The following SLC41A2 variants were observed in gnomAD, a reference collection of about 807,000 sequenced individuals.
The protein encoded by SLC41A2 is solute carrier family 41 member 2, also known as SLC41A1-like 1.
Under a neutral mutation model 58.3 loss-of-function variants are expected in SLC41A2, and 32 were observed. That is an observed-to-expected ratio of 0.55 (90% CI 0.41 to 0.74). The LOEUF is 0.74. SLC41A2 is among the 30% of genes least tolerant of loss of function. SLC41A2 has a pLI of 0.00. For missense variants in SLC41A2, 514 were observed against 680.6 expected (o/e 0.76, Z 2.72); for synonymous variants, 190 against 235.0 (o/e 0.81, Z 1.75).
intron 1 of SLC41A2, among the ~76,000 whole-genome samples, chr12:104,940,934 C>CA (rs386377636): frequency 0.53 from 50,870 of 95,180 alleles, 12,456 homozygotes; most frequent in Middle Eastern, 0.64. Flanking sequence ...GACTCTGCCT[C>CA]AAAAAAAAAA....
chr12:104,868,971 G>A (rs2043618918), intron 6 of SLC41A2, among the ~76,000 whole-genome samples: 1 of 152,190 alleles, frequency 6.6e-6, no homozygotes, highest in Non-Finnish European at 1.5e-5. Context: ...GATTGTTAGA[G>A]GAGGGGTGGG....
chr12:104,815,658 C>CAAAT (rs1023317373), intron 10 of SLC41A2, among the ~76,000 whole-genome samples: 1 of 152,012 alleles, frequency 6.6e-6, no homozygotes, highest in Non-Finnish European at 1.5e-5. Flanking sequence ...CGAGAAGTAG[C>CAAAT]AAATTAATAC....
At position 104,919,185 on chromosome 12, in the gene SLC41A2, T is replaced by A. The variant is rs12231706; in HGVS notation, c.555+8788A>T. 2.3e-3 allele frequency among the ~76,000 whole-genome samples: 357 copies of A among 152,342 alleles called. 8 individuals are homozygous for A. The East Asian group carries it at 0.051, about 22-fold the overall frequency. ...GTTGTTGCATGTGTCAATAGTTTAT[T>A]TCTTTTTGTTGCTGGGTAGTAGTAT... is the stretch of plus-strand genomic sequence containing the variant. On this transcript the variant is annotated intron_variant, in intron 2 of 10. Transcript: ENST00000258538.
chr12:104,936,056 T>G (rs576745949), intron 1 of SLC41A2, among the ~76,000 whole-genome samples: 217 of 139,392 alleles, frequency 1.6e-3, no homozygotes, highest in African/African-American at 5.5e-3. Context: ...AAAAAAAAAA[T>G]TCCTGTTGCC....
chr12:104,805,220 C>T lies in SLC41A2; in HGVS notation c.1654G>A (p.Ala552Thr), dbSNP rs1274919226. 1 of 1,613,680 alleles carries T rather than the reference C, an allele frequency of 6.2e-7. No homozygotes were observed. The highest frequency in any genetic ancestry group is 8.5e-7 in the Non-Finnish European group (1 of 1,179,740). ...LTALGDLLGT[A>T]LLALSFHFLW... ...AAATGAAAACTTAAGGCTAACAGAG[C>T]TGTCCCGAGCAGATCACCCAATGCT... The change falls in exon 11 of 11, where the codon GCT (alanine) becomes ACT (threonine). Residue 552 changes from alanine (A) to threonine (T), a missense_variant. Transcript: ENST00000258538.
At chr12:104,894,733 A>T (rs779742070) in intron 4 of SLC41A2, among the ~76,000 whole-genome samples, 23 of 152,162 alleles carry the variant, frequency 1.5e-4, no homozygotes, top group Non-Finnish European at 2.9e-4. Flanking sequence ...GTGAAGGCAG[A>T]AGAAAAAGAG....
intron 2 of SLC41A2, among the ~76,000 whole-genome samples, chr12:104,916,004 C>T (rs902894122): frequency 1.3e-5 from 2 of 152,072 alleles, no homozygotes; most frequent in Non-Finnish European, 2.9e-5. Flanking sequence ...TGTCAAAGGC[C>T]TTTTCTGCAT....
At chr12:104,856,282 A>C (rs1255892045) in intron 8 of SLC41A2, among the ~76,000 whole-genome samples, 1 of 152,240 alleles carries the variant, frequency 6.6e-6, no homozygotes, top group Non-Finnish European at 1.5e-5. Context: ...ATTTTCAGAG[A>C]AGCGATGAGA....
At position 104,887,879 on chromosome 12, in the gene SLC41A2, T is replaced by A. The variant is rs1297564522; in HGVS notation, c.880+1154A>T. On this transcript the variant is annotated intron_variant, in intron 5 of 10. Coordinates refer to ENST00000258538, the MANE Select transcript of SLC41A2 (RefSeq NM_001352171.3). ...TACTTTACATATACTAAAGTGCTTA[T>A]AAAGGTCAAGTTATCATAAAATTAG... 6.6e-5 allele frequency among the ~76,000 whole-genome samples: 10 copies of A among 152,038 alleles called. No homozygotes were observed. The East Asian group carries it at 1.2e-3, about 18-fold the overall frequency.
intron 10 of SLC41A2, among the ~76,000 whole-genome samples, chr12:104,836,349 C>T (rs1207335116): frequency 6.6e-6 from 1 of 152,106 alleles, no homozygotes; most frequent in African/African-American, 2.4e-5. Context: ...TTGTATGGCT[C>T]ATGATAAATA....
chr12:104,805,487 A>G lies in SLC41A2; in HGVS notation c.1537-150T>C, dbSNP rs2040860988. The G allele has an allele frequency of 7.0e-6, 4 of 575,448 alleles. No homozygotes were observed. The South Asian group carries it at 1.7e-4, about 25-fold the overall frequency. 35.6% of individuals were successfully genotyped at this position (575,448 alleles called of 1,614,324 possible). On this transcript the variant is annotated intron_variant, in intron 10 of 10. Transcript: ENST00000258538. ...GAAAATAAGAAATACTTAGATGACAAGAATACTTTCATTTCACAAGAAAAA... is the reference window on the plus strand; with the variant it reads ...GAAAATAAGAAATACTTAGATGACAGGAATACTTTCATTTCACAAGAAAAA...
intron 7 of SLC41A2, 29 bp downstream of exon 7, chr12:104,866,381 TACACACACACACACACACACAC>T (rs57548373): frequency 7.0e-6 from 10 of 1,426,304 alleles, no homozygotes; most frequent in Non-Finnish European, 8.3e-6. Context: ...CAGACAGACG[TACACACACACACACACACACAC>T]ACACACACAC....
chr12:104,944,035 T>C (rs1044300277), intron 1 of SLC41A2, among the ~76,000 whole-genome samples: 7 of 151,978 alleles, frequency 4.6e-5, no homozygotes, highest in Non-Finnish European at 8.8e-5. Flanking sequence ...TATTAAATCT[T>C]GCAACTACAA....
intron 4 of SLC41A2, among the ~76,000 whole-genome samples, chr12:104,890,211 A>G (rs1402955045): frequency 6.6e-6 from 1 of 152,128 alleles, no homozygotes; most frequent in Non-Finnish European, 1.5e-5. Context: ...CATATAGTAA[A>G]TCAACAGAAG....
intron 6 of SLC41A2, among the ~76,000 whole-genome samples, chr12:104,875,997 T>G (rs1283445391): frequency 6.6e-6 from 1 of 152,208 alleles, no homozygotes; most frequent in African/African-American, 2.4e-5. Flanking sequence ...GGCTTTCTAT[T>G]TGTTCCTCAT....
At chr12:104,878,874 T>C (rs1593055300) in intron 6 of SLC41A2, among the ~76,000 whole-genome samples, 1 of 152,220 alleles carries the variant, frequency 6.6e-6, no homozygotes, top group African/African-American at 2.4e-5. Context: ...TCTAGATCCT[T>C]GAGGAATCGC....
intron 1 of SLC41A2, among the ~76,000 whole-genome samples, chr12:104,945,584 A>G (rs1303588295): frequency 1.3e-5 from 2 of 152,210 alleles, no homozygotes; most frequent in African/African-American, 4.8e-5. Context: ...ATCCAGAGAT[A>G]TTGGTATATA....
chr12:104,835,053 TTGA>T (rs557573986), intron 10 of SLC41A2, among the ~76,000 whole-genome samples: 22 of 152,280 alleles, frequency 1.4e-4, no homozygotes, highest in African/African-American at 4.3e-4. Flanking sequence ...TCCATAGCTA[TTGA>T]TGATGATGAT....
chr12:104,854,212 G>GA (rs35704511), intron 8 of SLC41A2, among the ~76,000 whole-genome samples: 7 of 150,542 alleles, frequency 4.6e-5, no homozygotes, highest in South Asian at 2.1e-4. Flanking sequence ...GGTATATTTA[G>GA]AAAAAAAAAT....
Sources: gnomAD v4.1 joint callset for allele counts (sites outside exome capture counted in the v4.1 genomes callset) on GRCh38, gnomAD v4.1.1 for gene constraint, MANE v1.5 for transcripts, NCBI Gene and HGNC (gene_info 2026-07-23, HGNC 2026-07-21) for gene names.